WDR37: variants seen among roughly 807,000 people sequenced by gnomAD.
WDR37 encodes WD repeat-containing protein 37.
Under a neutral mutation model 62.9 loss-of-function variants are expected in WDR37, and 19 were observed. The observed-to-expected ratio is 0.30, with a 90% CI of 0.21 to 0.44. The LOEUF (loss-of-function observed/expected upper bound fraction) is 0.44, where lower values mean the gene tolerates loss of function less well. WDR37 is among the 20% of genes least tolerant of loss of function. The pLI, the probability that WDR37 is intolerant of heterozygous loss-of-function variation, is 1.00. For missense variants in WDR37, 474 were observed against 657.6 expected, an observed-to-expected ratio of 0.72 and a Z score of 3.05; for synonymous variants, 250 against 260.9, an observed-to-expected ratio of 0.96 and a Z score of 0.40.
intron 1 of WDR37, among the ~76,000 whole-genome samples, chr10:1,064,583 C>CTTTTTTTTTTTTTTTT (rs71376884): frequency 1.4e-5 from 1 of 70,464 alleles, no homozygotes; most frequent in African/African-American, 6.0e-5. Context: ...GACAATGGAT[C>CTTTTTTTTTTTTTTTT]TTTTTTTTTT....
intron 7 of WDR37, among the ~76,000 whole-genome samples, chr10:1,089,990 G>A (rs774616066): frequency 2.0e-4 from 30 of 151,990 alleles, no homozygotes; most frequent in Non-Finnish European, 3.7e-4. Flanking sequence ...TTTTTGAGAC[G>A]GAGTCTCACT....
Position 1,132,214 on chromosome 10 carries a change from G to A in WDR37, c.*2870G>A, listed in dbSNP as rs1402040202. ...TCTTATTATTTTTATAGTTTTTCAT[G>A]TTTTGCTTTGGTGAAACATTGTGAA... On this transcript the variant is annotated 3_prime_UTR_variant, in exon 14 of 14. Transcript: ENST00000263150. 6.6e-6 allele frequency: 1 copy of A among 152,110 alleles called. No homozygotes were observed. Among genetic ancestry groups the A allele is most frequent in the African/African-American group, 2.4e-5 (1 of 41,416 alleles). The allele number at this position is 152,110 out of a possible 1,614,324, so 9.4% of individuals were successfully genotyped here.
At chr10:1,093,587 TG>T in intron 8 of WDR37, 91 bp downstream of exon 8, 1 of 1,079,186 alleles carries the variant, frequency 9.3e-7, no homozygotes. Context: ...GAATAATCCA[TG>T]GCTTTTATGA....
intron 5 of WDR37, among the ~76,000 whole-genome samples, chr10:1,081,524 C>T (rs754585807): frequency 6.6e-5 from 10 of 152,108 alleles, no homozygotes; most frequent in Non-Finnish European, 1.0e-4. Context: ...GTCCTTCTGC[C>T]GTTTGTCCTC....
chr10:1,127,988 G>T (rs1835852589), intron 13 of WDR37, among the ~76,000 whole-genome samples: 1 of 152,220 alleles, frequency 6.6e-6, no homozygotes, highest in South Asian at 2.1e-4. Flanking sequence ...CAGAGCTCTT[G>T]CCCACAGCCT....
At chr10:1,060,006 A>T (rs1036481117) in intron 1 of WDR37, among the ~76,000 whole-genome samples, 5 of 151,798 alleles carry the variant, frequency 3.3e-5, no homozygotes, top group African/African-American at 9.7e-5. Context: ...CGCCCAGCTG[A>T]TTTTTGTATT....
At position 1,103,772 on chromosome 10, in the gene WDR37, C is replaced by T; in HGVS notation, c.897C>T (p.Ala299=). 6.2e-7 allele frequency: 1 copy of T among 1,614,252 alleles called. No individual in the cohort carries two copies. The highest frequency in any genetic ancestry group is 2.2e-5 in the East Asian group (1 of 44,884). Residue 299 remains alanine (A), a synonymous_variant, in exon 10 of 14, where the codon GCC becomes GCT. Transcript: ENST00000263150. This position sits in a 1 kb window ranked among gnomAD's most constrained non-coding sequence, Gnocchi z 6.3. ...TTGGGGGGAAGCAGGCTGTGACTGC[C>T]TCCTGGGACCGGACGGCAAACCTGT... The part of the protein sequence containing the change: ...WLVGGKQAVT[A]SWDRTANLYD...
rs529154069 is a variant in WDR37, at chr10:1,090,925, G to A, written c.605-2527G>A. 2.6e-5 allele frequency among the ~76,000 whole-genome samples: 4 copies of A among 152,260 alleles called. No homozygotes were observed. The East Asian group carries it at 7.7e-4, about 29-fold the overall frequency. On this transcript the variant is annotated intron_variant, in intron 7 of 13. Coordinates refer to ENST00000263150, the MANE Select transcript of WDR37 (RefSeq NM_014023.4). ...GCCTTTAAATCATGGCTCACGTGCT[G>A]CCCCGGCCTTCCTGCTCCAGCCGGC...
intron 11 of WDR37, among the ~76,000 whole-genome samples, chr10:1,115,446 A>G (rs1192230782): frequency 6.6e-6 from 1 of 152,218 alleles, no homozygotes; most frequent in Non-Finnish European, 1.5e-5. Context: ...ATTTGGTACT[A>G]AACACTGAGT....
At chr10:1,109,696 C>T (rs969913551) in intron 11 of WDR37, among the ~76,000 whole-genome samples, 33 of 151,826 alleles carry the variant, frequency 2.2e-4, no homozygotes, top group African/African-American at 7.0e-4. Context: ...GGGCAATGAG[C>T]GAAACTCCAA....
chr10:1,120,071 T>G (rs190847833), intron 11 of WDR37, among the ~76,000 whole-genome samples: 1 of 152,342 alleles, frequency 6.6e-6, no homozygotes, highest in East Asian at 1.9e-4. Flanking sequence ...CAAGGAGTAT[T>G]GAGAAATGTG....
chr10:1,119,975 T>G (rs1319805969), intron 11 of WDR37, among the ~76,000 whole-genome samples: 2 of 152,240 alleles, frequency 1.3e-5, no homozygotes, highest in African/African-American at 4.8e-5. Context: ...TTTGAAATTC[T>G]GAAAAAGAAT....
At chr10:1,074,522 G>T in intron 2 of WDR37, 1 of 1,304,084 alleles carries the variant, frequency 7.7e-7, no homozygotes, top group Non-Finnish European at 1.0e-6. Flanking sequence ...AGTGGCCCCC[G>T]TGAGGTGCTC....
chr10:1,066,360 T>C (rs116959157), intron 1 of WDR37, among the ~76,000 whole-genome samples: 16,202 of 147,022 alleles, frequency 0.11, 1,066 homozygotes, highest in Middle Eastern at 0.17. Flanking sequence ...TTGTGATCCG[T>C]CCACCTTGAC....
At position 1,129,236 on chromosome 10, in the gene WDR37, C is replaced by T. The variant is rs1281563596; in HGVS notation, c.1377C>T (p.Cys459=). 2 of 1,613,996 alleles carry T rather than the reference C, an allele frequency of 1.2e-6. No individual in the cohort carries two copies. The highest frequency in any genetic ancestry group is 2.7e-5 in the African/African-American group (2 of 74,914). Reference sequence around the variant, plus strand: ...AGGGCCACAGGAGAATGGTATGCTGCTCGGCATGGAGTGAAGACCACCCCG... The same window carrying T: ...AGGGCCACAGGAGAATGGTATGCTGTTCGGCATGGAGTGAAGACCACCCCG... ...SRQGHRRMVC[C]SAWSEDHPVC... is the part of the protein sequence containing the mutation. The change falls in exon 14 of 14, where the codon TGC becomes TGT. Residue 459 remains cysteine, a synonymous_variant. Transcript: ENST00000263150.
At chr10:1,128,031 G>C (rs1835854234) in intron 13 of WDR37, among the ~76,000 whole-genome samples, 1 of 152,200 alleles carries the variant, frequency 6.6e-6, no homozygotes, top group South Asian at 2.1e-4. Context: ...ATGCATTGCT[G>C]CTTCCTTTTT....
chr10:1,113,269 G>A (rs1048507169), intron 11 of WDR37, among the ~76,000 whole-genome samples: 1 of 152,156 alleles, frequency 6.6e-6, no homozygotes. Flanking sequence ...TGAATATTTT[G>A]AGCCTATTGT....
intron 13 of WDR37, among the ~76,000 whole-genome samples, chr10:1,125,865 C>T (rs558407571): frequency 7.3e-4 from 111 of 152,344 alleles, no homozygotes; most frequent in Admixed American, 5.8e-3. Context: ...CTTCAGAAGA[C>T]GGCGGAGGGA....
Position 1,056,900 on chromosome 10 carries a change from C to G in WDR37, c.-109C>G, listed in dbSNP as rs1032571666. 4 of 152,312 alleles carry G rather than the reference C, an allele frequency of 2.6e-5. No individual in the cohort carries two copies. The highest frequency in any genetic ancestry group is 4.4e-5 in the Non-Finnish European group (3 of 68,190). 9.4% of individuals were successfully genotyped at this position (152,312 alleles called of 1,614,324 possible). Reference sequence around the variant, plus strand: ...TTCGGGTCAGTACGGGGGGCCGCGTCGTAGGGACTCACTGGCGGTGCGCGA... The same window carrying G: ...TTCGGGTCAGTACGGGGGGCCGCGTGGTAGGGACTCACTGGCGGTGCGCGA... On this transcript the variant is annotated 5_prime_UTR_variant, in exon 1 of 14. Coordinates refer to ENST00000263150, the MANE Select transcript of WDR37 (RefSeq NM_014023.4).
Sources: gnomAD v4.1 joint callset for allele counts (sites outside exome capture counted in the v4.1 genomes callset) on GRCh38, gnomAD v4.1.1 for gene constraint, Gnocchi (gnomAD v3.1) non-coding constraint, MANE v1.5 for transcripts, NCBI Gene and HGNC (gene_info 2026-07-23, HGNC 2026-07-21) for gene names.